Variants in XXYLT1 observed in about 807,000 individuals in gnomAD.
XXYLT1 encodes the protein xyloside xylosyltransferase 1.
XXYLT1 carries 20 observed loss-of-function variants against 28.9 expected under a neutral mutation model. That is an observed-to-expected ratio of 0.69 (90% CI 0.49 to 1.00). The LOEUF (loss-of-function observed/expected upper bound fraction) is 1.00. Among genes scored for constraint, XXYLT1 ranks in the 50% least tolerant of loss-of-function variants. The pLI is 0.00. For synonymous variants in XXYLT1, 257 were observed against 253.8 expected, an observed-to-expected ratio of 1.01 and a Z score of -0.12; for missense variants, 542 against 560.1, an observed-to-expected ratio of 0.97 and a Z score of 0.33.
chr3:195,121,680 T>C (rs576462268), intron 3 of XXYLT1, among the ~76,000 whole-genome samples: 6 of 152,332 alleles, frequency 3.9e-5, no homozygotes, highest in African/African-American at 1.2e-4. Flanking sequence ...TTCTGGAGAA[T>C]GGCACCCAAA....
At chr3:195,102,621 A>G (rs1450619305) in intron 3 of XXYLT1, among the ~76,000 whole-genome samples, 1 of 152,116 alleles carries the variant, frequency 6.6e-6, no homozygotes, top group Non-Finnish European at 1.5e-5. Context: ...GGCAAATGGT[A>G]TGACTCCTTC....
chr3:195,194,751 G>C (rs1722556636), intron 2 of XXYLT1, among the ~76,000 whole-genome samples: 1 of 152,166 alleles, frequency 6.6e-6, no homozygotes, highest in African/African-American at 2.4e-5. Context: ...ACTGATACAT[G>C]CTACAACATG....
At chr3:195,098,804 C>G (rs1716603124) in intron 3 of XXYLT1, among the ~76,000 whole-genome samples, 1 of 152,218 alleles carries the variant, frequency 6.6e-6, no homozygotes. Context: ...AAAACTCACT[C>G]TCTGCCTCAT....
intron 3 of XXYLT1, chr3:195,095,851 G>C (rs1230293788): frequency 6.6e-6 from 1 of 152,154 alleles, no homozygotes; most frequent in East Asian, 1.9e-4. Flanking sequence ...GCTTTCAGAG[G>C]CCACGTTAAC....
chr3:195,082,468 G>C (rs1311674633), intron 3 of XXYLT1, among the ~76,000 whole-genome samples: 1 of 152,180 alleles, frequency 6.6e-6, no homozygotes, highest in Non-Finnish European at 1.5e-5. Context: ...AGTTCCCTGT[G>C]TCCCTGGGAC....
chr3:195,226,327 A>C (rs1426050086), intron 2 of XXYLT1, among the ~76,000 whole-genome samples: 1 of 152,238 alleles, frequency 6.6e-6, no homozygotes, highest in African/African-American at 2.4e-5. Context: ...ATACAGATTC[A>C]AACTAGAAAG....
intron 3 of XXYLT1, among the ~76,000 whole-genome samples, chr3:195,112,306 C>T (rs1717763259): frequency 6.6e-6 from 1 of 152,126 alleles, no homozygotes; most frequent in Admixed American, 6.5e-5. Flanking sequence ...GTTCGCAAGC[C>T]CCAGAAGATC....
intron 3 of XXYLT1, among the ~76,000 whole-genome samples, chr3:195,082,892 C>G (rs1715516426): frequency 1.3e-5 from 2 of 152,148 alleles, no homozygotes; most frequent in Non-Finnish European, 2.9e-5. Flanking sequence ...CCCCCCCTGC[C>G]AAGAGCCAAC....
rs1714652068 is a variant in XXYLT1, at chr3:195,069,032, T to C, written c.*683A>G. Reference sequence around the variant, plus strand: ...GGTGGAATAAAGGACAATGGGGTTCTAGGATGTAGCTGGGAGATACAAGCT... The same window carrying C: ...GGTGGAATAAAGGACAATGGGGTTCCAGGATGTAGCTGGGAGATACAAGCT... On this transcript the variant is annotated 3_prime_UTR_variant, in exon 4 of 4. Transcript: ENST00000310380. The C allele has an allele frequency of 6.6e-6, 1 of 152,250 alleles. No individual in the cohort carries two copies. The highest frequency in any genetic ancestry group is 2.4e-5 in the African/African-American group (1 of 41,462). The allele number at this position is 152,250 out of a possible 1,614,324, so 9.4% of individuals were successfully genotyped here.
chr3:195,238,339 A>T (rs1308454702), intron 1 of XXYLT1, among the ~76,000 whole-genome samples: 1 of 152,022 alleles, frequency 6.6e-6, no homozygotes, highest in Non-Finnish European at 1.5e-5. Context: ...GCCTTCCCAC[A>T]GCCTCCCACA....
At chr3:195,145,137 C>T (rs758382089) in intron 3 of XXYLT1, among the ~76,000 whole-genome samples, 8 of 152,158 alleles carry the variant, frequency 5.3e-5, no homozygotes, top group Non-Finnish European at 1.0e-4. Flanking sequence ...ATCCTTGGGC[C>T]GGTCAACATA....
rs1218877825 is a variant in XXYLT1, at chr3:195,164,418, C to G, written c.653-7837G>C. 2.0e-5 allele frequency among the ~76,000 whole-genome samples: 3 copies of G among 152,260 alleles called. No individual in the cohort carries two copies. In the East Asian group the frequency reaches 5.8e-4, roughly 29 times the overall value. ...AGTTGGTCTATCAACAAGATCCGTGCCTGCCAGCCCCAGGCTGCCATCCTG... is the reference window on the plus strand; with the variant it reads ...AGTTGGTCTATCAACAAGATCCGTGGCTGCCAGCCCCAGGCTGCCATCCTG... On this transcript the variant is annotated intron_variant, in intron 2 of 3. Coordinates refer to ENST00000310380, the MANE Select transcript of XXYLT1 (RefSeq NM_152531.5).
chr3:195,245,397 T>C (rs994395993), intron 1 of XXYLT1, among the ~76,000 whole-genome samples: 31 of 151,914 alleles, frequency 2.0e-4, no homozygotes, highest in African/African-American at 7.2e-4. Context: ...TGCAAGTGAT[T>C]CGGCCCACCT....
At chr3:195,253,645 C>G (rs572342115) in intron 1 of XXYLT1, among the ~76,000 whole-genome samples, 65 of 152,000 alleles carry the variant, frequency 4.3e-4, no homozygotes, top group African/African-American at 1.3e-3. Context: ...ACTACAGGTG[C>G]CCACCACCAC....
At position 195,264,543 on chromosome 3, in the gene XXYLT1, T is replaced by C. The variant is rs564875333; in HGVS notation, c.504+6012A>G. ...CCACACACTTGCTATCTCTGCAGCCTGCTTTATTTCTCTCTGTAGAATTGA... is the reference window on the plus strand; with the variant it reads ...CCACACACTTGCTATCTCTGCAGCCCGCTTTATTTCTCTCTGTAGAATTGA... On this transcript the variant is annotated intron_variant, in intron 1 of 3. Coordinates refer to ENST00000310380, the MANE Select transcript of XXYLT1 (RefSeq NM_152531.5). Among the ~76,000 whole-genome samples the C allele has an allele frequency of 2.6e-4, 39 of 152,362 alleles. 1 individual carries two copies. In the South Asian group the frequency reaches 5.2e-3, roughly 20 times the overall value.
intron 3 of XXYLT1, among the ~76,000 whole-genome samples, chr3:195,134,870 C>CGT (rs147122386): frequency 8.1e-6 from 1 of 124,170 alleles, no homozygotes; most frequent in African/African-American, 3.2e-5. Flanking sequence ...TGTGTGTGTG[C>CGT]GTGTGCGCGC....
At chr3:195,107,655 A>G (rs1577034371) in intron 3 of XXYLT1, among the ~76,000 whole-genome samples, 2 of 14,110 alleles carry the variant, frequency 1.4e-4, no homozygotes, top group Non-Finnish European at 1.2e-4. Context: ...GAGGAGGAGG[A>G]GGGGGAGGAG....
At chr3:195,080,454 G>A (rs1715366979) in intron 3 of XXYLT1, among the ~76,000 whole-genome samples, 1 of 152,078 alleles carries the variant, frequency 6.6e-6, no homozygotes, top group Non-Finnish European at 1.5e-5. Context: ...AGCCAAAGCT[G>A]GTGAGGACCC....
In XXYLT1 at chr3:195,173,431, A is replaced by T. The variant is rs933422299; in HGVS notation, c.653-16850T>A. 6.6e-6 allele frequency among the ~76,000 whole-genome samples: 1 copy of T among 152,216 alleles called. No individual in the cohort carries two copies. Among genetic ancestry groups the T allele is most frequent in the Non-Finnish European group, 1.5e-5 (1 of 68,030 alleles). The stretch of plus-strand genomic sequence containing the variant: ...GTTACCTAGGAGGTGCTCGACACTA[A>T]GTAACATTCTGGTTCATATAAGACT... On this transcript the variant is annotated intron_variant, in intron 2 of 3. Transcript: ENST00000310380. The surrounding 1 kb of genome is among the most constrained non-coding windows in gnomAD (Gnocchi z 4.3).
Sources: gnomAD v4.1 joint callset for allele counts (sites outside exome capture counted in the v4.1 genomes callset) on GRCh38, gnomAD v4.1.1 for gene constraint, Gnocchi (gnomAD v3.1) non-coding constraint, MANE v1.5 for transcripts, NCBI Gene and HGNC (gene_info 2026-07-23, HGNC 2026-07-21) for gene names.